DHX38: variants seen among roughly 807,000 people sequenced by gnomAD.
The protein encoded by DHX38 is DEAH-box helicase 38.
DHX38 carries 100 observed loss-of-function variants against 153.1 expected under a neutral mutation model. That is an observed-to-expected ratio of 0.65 (90% confidence interval 0.56 to 0.77). DHX38 has a LOEUF of 0.77. Ranked by LOEUF, DHX38 falls within the 30% of genes least tolerant of loss-of-function variation. The probability of loss-of-function intolerance (pLI) is 0.00; values close to 1 mark genes in which losing one functional copy is unlikely to be tolerated. For synonymous variants in DHX38, 650 were observed against 631.7 expected, an observed-to-expected ratio of 1.03 and a Z score of -0.43; for missense variants, 1,440 against 1,654.0, an observed-to-expected ratio of 0.87 and a Z score of 2.24.
chr16:72,112,603 T>G lies in DHX38; in HGVS notation c.*106T>G, dbSNP rs2042272502. Reference sequence around the variant, plus strand: ...GCCCTTTCATCTGAGGACTTTCATCTGTGCATATCACGGCCCCCCAGGGCA... The same window carrying G: ...GCCCTTTCATCTGAGGACTTTCATCGGTGCATATCACGGCCCCCCAGGGCA... On this transcript the variant is annotated 3_prime_UTR_variant, in exon 27 of 27. Coordinates refer to ENST00000268482, the MANE Select transcript of DHX38 (RefSeq NM_014003.4). 1 of 1,237,368 alleles carries G rather than the reference T, an allele frequency of 8.1e-7. No individual in the cohort carries two copies. The highest frequency in any genetic ancestry group is 1.9e-5 in the Admixed American group (1 of 53,908). The allele number at this position is 1,237,368 out of a possible 1,614,324, so 76.6% of individuals were successfully genotyped here. A position where few individuals can be genotyped will look rare whatever the true frequency, so the allele number is the denominator to read the frequency against.
chr16:72,106,803 G>T (rs940040099), intron 19 of DHX38, among the ~76,000 whole-genome samples: 1 of 152,142 alleles, frequency 6.6e-6, no homozygotes, highest in Non-Finnish European at 1.5e-5. Context: ...ACTATAGAGC[G>T]TTAGTGAATA....
intron 7 of DHX38, 84 bp from the exon 8 acceptor site, chr16:72,099,648 C>A: frequency 1.3e-6 from 2 of 1,549,152 alleles, no homozygotes; most frequent in South Asian, 1.2e-5. Context: ...GACTTCCTAC[C>A]AAGCGTCCCT....
Position 72,108,469 on chromosome 16 carries a change from C to G in DHX38, c.3121-4C>G. ...CCTCCTGGTGCCTCCGTCTCCTGCC[C>G]TAGGTCCGGGAGGTGCGAGCTCAAC... On this transcript the variant is annotated splice_polypyrimidine_tract_variant and splice_region_variant and intron_variant, in intron 22 of 26. Transcript: ENST00000268482. 6.2e-7 allele frequency: 1 copy of G among 1,614,018 alleles called. No individual in the cohort carries two copies. The highest frequency in any genetic ancestry group is 1.1e-5 in the South Asian group (1 of 91,080).
At chr16:72,097,222 G>A in intron 3 of DHX38, 1 of 489,640 alleles carries the variant, frequency 2.0e-6, no homozygotes, top group Non-Finnish European at 3.6e-6. Context: ...TGAGTGTGTG[G>A]TCTTCGTTTT....
chr16:72,108,745 T>C, intron 23 of DHX38, 55 bp from the exon 24 acceptor site: 3 of 1,600,372 alleles, frequency 1.9e-6, no homozygotes, highest in Non-Finnish European at 2.6e-6. Flanking sequence ...ATGGGGTCGC[T>C]GCCCAAATGG....
Position 72,096,951 on chromosome 16 carries a change from A to G in DHX38, c.453A>G (p.Glu151=), listed in dbSNP as rs992526274. ...GTGTCTATGCCTCGTCCAAAGAAGA[A>G]AAGGATTGGAAGAAGGAGAAATCGC... ...EHGVYASSKE[E]KDWKKEKSRD... is the part of the protein sequence containing the mutation. The change falls in exon 3 of 27, where the codon GAA becomes GAG. Residue 151 remains glutamate, a synonymous_variant. Coordinates refer to ENST00000268482, the MANE Select transcript of DHX38 (RefSeq NM_014003.4). 5.6e-6 allele frequency: 9 copies of G among 1,613,974 alleles called. No individual in the cohort carries two copies. The highest frequency in any genetic ancestry group is 7.6e-6 in the Non-Finnish European group (9 of 1,180,000).
chr16:72,105,649 G>A (rs1278836677), intron 18 of DHX38, 25 bp downstream of exon 18: 20 of 1,610,928 alleles, frequency 1.2e-5, no homozygotes, highest in Non-Finnish European at 1.7e-5. Context: ...GGGAGGCAAG[G>A]CCTGGGTGTT....
At chr16:72,102,148 C>G (rs1372045726) in intron 11 of DHX38, among the ~76,000 whole-genome samples, 2 of 152,226 alleles carry the variant, frequency 1.3e-5, no homozygotes, top group Non-Finnish European at 2.9e-5. Flanking sequence ...CTGGACTTAT[C>G]TGTCCCTTAA....
Position 72,105,227 on chromosome 16 carries a change from C to A in DHX38, c.2263-5C>A, listed in dbSNP as rs1423290567. ...GTGTCTCACAGCTCCTCCCTGGGCT[C>A]TCAGGTGACCTCAGACCAGATTGTG... On this transcript the variant is annotated splice_region_variant and splice_polypyrimidine_tract_variant and intron_variant, in intron 16 of 26. Coordinates refer to ENST00000268482, the MANE Select transcript of DHX38 (RefSeq NM_014003.4). The A allele has an allele frequency of 6.2e-7, 1 of 1,614,056 alleles. No individual in the cohort carries two copies. The highest frequency in any genetic ancestry group is 8.5e-7 in the Non-Finnish European group (1 of 1,180,024).
At position 72,107,430 on chromosome 16, in the gene DHX38, G is replaced by A. The variant is rs1268151425; in HGVS notation, c.2691G>A (p.Leu897=). The part of the protein sequence containing the change: ...QRTNLANVVL[L]LKSLGVQDLL... ...CTAACCTGGCCAACGTGGTGCTGCT[G>A]CTCAAGTCCCTCGGGGTGCAGGACC... The change falls in exon 20 of 27, where the codon CTG becomes CTA. Residue 897 remains leucine, a synonymous_variant. Coordinates refer to ENST00000268482, the MANE Select transcript of DHX38 (RefSeq NM_014003.4). The surrounding 1 kb of genome is among the most constrained non-coding windows in gnomAD (Gnocchi z 5.3). The A allele has an allele frequency of 1.2e-6, 2 of 1,614,144 alleles. No individual in the cohort carries two copies. The highest frequency in any genetic ancestry group is 1.1e-5 in the South Asian group (1 of 91,086).
Position 72,103,657 on chromosome 16 carries a change from C to G in DHX38, c.1693C>G (p.Leu565Val), listed in dbSNP as rs2042130728. Residue 565 changes from leucine to valine, a missense_variant, in exon 13 of 27, where the codon CTG becomes GTG. Physicochemically the swap from Leu to Val is conservative, Grantham distance 32. This residue lies in a region of DHX38 where 241 missense variants were observed against 229.5 expected (regional missense o/e 1.05). Coordinates refer to ENST00000268482, the MANE Select transcript of DHX38 (RefSeq NM_014003.4). ...GACGGGGAGTGGTAAGACCACTCAGCTGACGCAGTACCTGCATGAAGATGG... is the reference window on the plus strand; with the variant it reads ...GACGGGGAGTGGTAAGACCACTCAGGTGACGCAGTACCTGCATGAAGATGG... ...GETGSGKTTQ[L>V]TQYLHEDGYT... The G allele has an allele frequency of 6.2e-7, 1 of 1,613,888 alleles. No individual in the cohort carries two copies.
chr16:72,100,223 T>A (rs2042081778), intron 8 of DHX38, among the ~76,000 whole-genome samples: 1 of 152,078 alleles, frequency 6.6e-6, no homozygotes, highest in Non-Finnish European at 1.5e-5. Context: ...AGGTTCTGAT[T>A]TAGATGAAAG....
Position 72,096,829 on chromosome 16 carries a change from C to T in DHX38, c.331C>T (p.Arg111Trp), listed in dbSNP as rs1404402633. 8.1e-6 allele frequency: 13 copies of T among 1,612,138 alleles called. No homozygotes were observed. The highest frequency in any genetic ancestry group is 1.0e-5 in the Non-Finnish European group (12 of 1,179,124). ...GQNIRKDRHY[R>W]SARVETPSHP... ...TTGCTCTCCCTGTTTCAGACATTAT[C>T]GGTCTGCTCGGGTAGAGACTCCATC... Residue 111 changes from arginine to tryptophan, a missense_variant, in exon 3 of 27, where the codon CGG (arginine) becomes TGG (tryptophan). Arg to Trp is a moderately radical substitution (Grantham distance 101, BLOSUM62 -3). Coordinates refer to ENST00000268482, the MANE Select transcript of DHX38 (RefSeq NM_014003.4).
At chr16:72,111,199 C>T in intron 26 of DHX38, 122 bp downstream of exon 26, 1 of 1,379,716 alleles carries the variant, frequency 7.2e-7, no homozygotes, top group Non-Finnish European at 9.5e-7. Context: ...AAACTGGTGA[C>T]AGAAGTTGCT....
At position 72,106,025 on chromosome 16, in the gene DHX38, C is replaced by T; in HGVS notation, c.2508C>T (p.Gly836=). 1.2e-6 allele frequency: 2 copies of T among 1,614,206 alleles called. No homozygotes were observed. The highest frequency in any genetic ancestry group is 1.7e-6 in the Non-Finnish European group (2 of 1,180,022). The part of the protein sequence containing the change: ...CKLKVFNPRI[G]MDALQIYPIS... ...CCTAGGTCTTCAACCCCAGGATTGG[C>T]ATGGATGCTCTGCAGATCTATCCCA... Residue 836 remains glycine (G), a synonymous_variant, in exon 19 of 27, where the codon GGC becomes GGT. Coordinates refer to ENST00000268482, the MANE Select transcript of DHX38 (RefSeq NM_014003.4).
Position 72,104,393 on chromosome 16 carries a change from G to C in DHX38, c.2011-93G>C. ...TGAATAGGCCCATTTGTCAGCTTTG[G>C]CTTGTGTTTCCTCGGGGGTGGTGCT... On this transcript the variant is annotated intron_variant, in intron 14 of 26. Coordinates refer to ENST00000268482, the MANE Select transcript of DHX38 (RefSeq NM_014003.4). This position sits in a 1 kb window ranked among gnomAD's most constrained non-coding sequence, Gnocchi z 4.5. The C allele has an allele frequency of 2.0e-6, 3 of 1,536,992 alleles. No homozygotes were observed. Among genetic ancestry groups the C allele is most frequent in the Middle Eastern group, 2.3e-4 (1 of 4,268 alleles).
In DHX38 at chr16:72,104,893, C is replaced by A; in HGVS notation, c.2152-134C>A. The A allele has an allele frequency of 1.1e-6, 1 of 913,774 alleles. No homozygotes were observed. The highest frequency in any genetic ancestry group is 1.6e-6 in the Non-Finnish European group (1 of 610,968). The allele number at this position is 913,774 out of a possible 1,614,324, so 56.6% of individuals were successfully genotyped here. ...TCTTGTAGAGGCCTCGCAGTCAGGCCCATGTGGAGGTGTGGTGGCCCTCAA... is the reference window on the plus strand; with the variant it reads ...TCTTGTAGAGGCCTCGCAGTCAGGCACATGTGGAGGTGTGGTGGCCCTCAA... On this transcript the variant is annotated intron_variant, in intron 15 of 26. Transcript: ENST00000268482. The surrounding 1 kb of genome is among the most constrained non-coding windows in gnomAD (Gnocchi z 4.5).
intron 11 of DHX38, among the ~76,000 whole-genome samples, chr16:72,102,016 A>G (rs1439741126): frequency 3.9e-5 from 6 of 152,216 alleles, no homozygotes; most frequent in Non-Finnish European, 7.3e-5. Context: ...TGAGTTCACT[A>G]TAAGAACTAT....
At chr16:72,100,192 A>C (rs2042081274) in intron 8 of DHX38, among the ~76,000 whole-genome samples, 1 of 152,026 alleles carries the variant, frequency 6.6e-6, no homozygotes, top group South Asian at 2.1e-4. Flanking sequence ...AGGGACACTT[A>C]CCATTTGTGT....
Sources: allele counts gnomAD v4.1 joint callset (sites outside exome capture counted in the v4.1 genomes callset), GRCh38; gene constraint gnomAD v4.1.1; regional missense constraint gnomAD v4.1.1; non-coding constraint Gnocchi (gnomAD v3.1); transcripts MANE v1.5; gene names NCBI Gene and HGNC (gene_info 2026-07-23, HGNC 2026-07-21).